The following ATP8B4 variants were observed in gnomAD, a reference collection of about 807,000 sequenced individuals.
ATP8B4 encodes the protein probable phospholipid-transporting ATPase IM.
A neutral mutation model predicts 145.6 loss-of-function variants in ATP8B4; 133 were observed. That is an observed-to-expected ratio of 0.91 (90% CI 0.79 to 1.05). The LOEUF is 1.05. Ranked by LOEUF, ATP8B4 falls within the 50% of genes least tolerant of loss-of-function variation. ATP8B4 has a pLI of 0.00. For synonymous variants in ATP8B4, 507 were observed against 492.9 expected (o/e 1.03, Z -0.38); for missense variants, 1,458 against 1,425.2 (o/e 1.02, Z -0.37).
intron 11 of ATP8B4, among the ~76,000 whole-genome samples, chr15:49,980,863 G>C (rs2046092134): frequency 6.6e-6 from 1 of 152,184 alleles, no homozygotes; most frequent in Admixed American, 6.5e-5. Context: ...CCCACCATAA[G>C]CTATGTATAC....
chr15:50,027,773 T>C (rs2050123572), intron 6 of ATP8B4, among the ~76,000 whole-genome samples: 1 of 152,260 alleles, frequency 6.6e-6, no homozygotes, highest in Non-Finnish European at 1.5e-5. Context: ...AGTTCTCACT[T>C]AACGTCGTGG....
At chr15:49,970,974 A>T (rs1412851766) in intron 13 of ATP8B4, among the ~76,000 whole-genome samples, 1 of 152,174 alleles carries the variant, frequency 6.6e-6, no homozygotes, top group Non-Finnish European at 1.5e-5. Context: ...CCACACACCT[A>T]CAACCCATCT....
intron 26 of ATP8B4, among the ~76,000 whole-genome samples, chr15:49,863,326 G>A (rs77250140): frequency 6.6e-6 from 1 of 152,196 alleles, no homozygotes; most frequent in Non-Finnish European, 1.5e-5. Context: ...ATAGGACAGT[G>A]AAACTCATTT....
chr15:50,055,048 G>A (rs907411463), intron 3 of ATP8B4, among the ~76,000 whole-genome samples: 3 of 152,046 alleles, frequency 2.0e-5, no homozygotes, highest in East Asian at 1.9e-4. Flanking sequence ...CATAAACTAC[G>A]TCAATTCTGA....
chr15:49,918,341 A>G (rs1026716177), intron 19 of ATP8B4, among the ~76,000 whole-genome samples: 1 of 152,314 alleles, frequency 6.6e-6, no homozygotes, highest in Non-Finnish European at 1.5e-5. Context: ...TTATTAAAAT[A>G]CCAAAATATT....
chr15:49,928,476 G>C (rs1412195797), intron 16 of ATP8B4, among the ~76,000 whole-genome samples: 1 of 152,068 alleles, frequency 6.6e-6, no homozygotes, highest in Non-Finnish European at 1.5e-5. Flanking sequence ...AGTAGATTGA[G>C]ATCAGATTGC....
At chr15:50,044,552 C>T (rs1028608742) in intron 5 of ATP8B4, 42 bp downstream of exon 5, 5 of 1,377,812 alleles carry the variant, frequency 3.6e-6, no homozygotes, top group African/African-American at 2.9e-5. Flanking sequence ...GAAGCCACAA[C>T]TGAAATTGAG....
At chr15:50,121,692 C>CA (rs1305895270), upstream of ATP8B4, among the ~76,000 whole-genome samples, 3 of 151,984 alleles carry the variant, frequency 2.0e-5, no homozygotes, top group African/African-American at 7.2e-5. Flanking sequence ...TCCCATTATA[C>CA]AAAGGTAGCT....
intron 2 of ATP8B4, among the ~76,000 whole-genome samples, chr15:50,085,664 G>A (rs1473074458): frequency 2.0e-5 from 3 of 151,208 alleles, no homozygotes; most frequent in Non-Finnish European, 2.9e-5. Context: ...CATCAAACGT[G>A]TAAAATTATA....
At position 50,015,853 on chromosome 15, in the gene ATP8B4, T is replaced by C. The variant is rs368525355; in HGVS notation, c.363-4936A>G. On this transcript the variant is annotated intron_variant, in intron 6 of 27. Coordinates refer to ENST00000284509, the MANE Select transcript of ATP8B4 (RefSeq NM_024837.4). ...GCAGATGTTTCCCTTTTTCCTCCAT[T>C]CTTCTTAGCAAAATGCTTATGCTGA... Among the ~76,000 whole-genome samples, 6 of 152,344 alleles carry C rather than the reference T, an allele frequency of 3.9e-5. No homozygotes were observed. The South Asian group carries it at 8.3e-4, about 21-fold the overall frequency.
chr15:49,871,590 G>A (rs1346508948), intron 25 of ATP8B4, among the ~76,000 whole-genome samples: 1 of 152,166 alleles, frequency 6.6e-6, no homozygotes, highest in Non-Finnish European at 1.5e-5. Context: ...GGTCATCTAG[G>A]TTAAGACAGA....
chr15:50,063,588 AAATTAATATGAGATT>A (rs1220647145), intron 3 of ATP8B4, among the ~76,000 whole-genome samples: 1 of 152,164 alleles, frequency 6.6e-6, no homozygotes, highest in Non-Finnish European at 1.5e-5. Context: ...AATAAAAATA[AAATTAATATGAGATT>A]AATAGACTCA....
At chr15:49,929,464 A>G (rs1234784479) in intron 16 of ATP8B4, among the ~76,000 whole-genome samples, 1 of 152,130 alleles carries the variant, frequency 6.6e-6, no homozygotes, top group African/African-American at 2.4e-5. Flanking sequence ...CATATTTGAC[A>G]TAAAACTTTA....
chr15:50,028,987 C>G (rs1474400309), intron 6 of ATP8B4, among the ~76,000 whole-genome samples: 1 of 152,090 alleles, frequency 6.6e-6, no homozygotes, highest in African/African-American at 2.4e-5. Flanking sequence ...GTAATCCCAG[C>G]ACTTTGGGAG....
At chr15:50,080,610 A>G (rs1314894579) in intron 2 of ATP8B4, among the ~76,000 whole-genome samples, 1 of 151,928 alleles carries the variant, frequency 6.6e-6, no homozygotes, top group East Asian at 1.9e-4. Flanking sequence ...TTTTTTTTTA[A>G]TAAGTAGAGA....
intron 8 of ATP8B4, 150 bp from the exon 9 acceptor site, chr15:49,996,909 T>C: frequency 1.7e-6 from 1 of 591,730 alleles, no homozygotes; most frequent in Non-Finnish European, 3.0e-6. Context: ...TCGCTCACTG[T>C]TTCAGGAAAG....
chr15:50,131,381 T>C (rs2044044156), intron 1 of ATP8B4, among the ~76,000 whole-genome samples: 1 of 152,082 alleles, frequency 6.6e-6, no homozygotes, highest in African/African-American at 2.4e-5. Flanking sequence ...AACAGAGAGG[T>C]TAAAGAACTT....
At chr15:49,947,129 G>GA (rs1164262748) in intron 14 of ATP8B4, among the ~76,000 whole-genome samples, 2 of 152,148 alleles carry the variant, frequency 1.3e-5, no homozygotes, top group African/African-American at 2.4e-5. Context: ...CTTGCACACT[G>GA]AAAATTAGAA....
chr15:50,076,490 C>CAAAA (rs141820569), intron 2 of ATP8B4, among the ~76,000 whole-genome samples: 5 of 144,242 alleles, frequency 3.5e-5, no homozygotes, highest in African/African-American at 1.3e-4. Flanking sequence ...GACTCCATCT[C>CAAAA]AAAAAAAAAA....
Sources: allele counts gnomAD v4.1 joint callset (sites outside exome capture counted in the v4.1 genomes callset), GRCh38; gene constraint gnomAD v4.1.1; transcripts MANE v1.5; gene names NCBI Gene and HGNC (gene_info 2026-07-23, HGNC 2026-07-21).